Variants in CCNF observed in about 807,000 individuals in gnomAD.
CCNF encodes cyclin F.
In CCNF, 30 loss-of-function variants were observed where a neutral mutation model predicts 85.4. The observed-to-expected ratio is 0.35, with a 90% confidence interval of 0.26 to 0.48. The LOEUF (loss-of-function observed/expected upper bound fraction) is 0.48. Ranked by LOEUF, CCNF falls within the 20% of genes least tolerant of loss-of-function variation. The probability of loss-of-function intolerance (pLI) is 0.99; values close to 1 mark genes in which losing one functional copy is unlikely to be tolerated. For synonymous variants in CCNF, 439 were observed against 425.1 expected (o/e 1.03, Z -0.40); for missense variants, 919 against 1,010.4 (o/e 0.91, Z 1.23).
At chr16:2,449,556 T>C (rs2065382066) in intron 12 of CCNF, 94 bp downstream of exon 12, 1 of 1,268,716 alleles carries the variant, frequency 7.9e-7, no homozygotes, top group African/African-American at 1.5e-5. Flanking sequence ...CATCCATTTG[T>C]CCTGGTTACT....
rs1486320920 is a variant in CCNF, at chr16:2,439,738, C to T, written c.700-11C>T. 3.1e-6 allele frequency: 5 copies of T among 1,611,816 alleles called. No homozygotes were observed. In the East Asian group the frequency reaches 8.9e-5, roughly 29 times the overall value. On this transcript the variant is annotated splice_polypyrimidine_tract_variant and intron_variant, in intron 7 of 16. Transcript: ENST00000397066. Reference sequence around the variant, plus strand: ...CAGTTGTACAAAGGCTCGGTGATCTCCCATTGACAGGTGTCAGATCCTGGG... The same window carrying T: ...CAGTTGTACAAAGGCTCGGTGATCTTCCATTGACAGGTGTCAGATCCTGGG...
chr16:2,453,059 T>G lies in CCNF; in HGVS notation c.1488-151T>G, dbSNP rs976547801. The G allele has an allele frequency of 5.9e-5, 40 of 679,722 alleles. No individual in the cohort carries two copies. In the African/African-American group the frequency reaches 6.4e-4, roughly 11 times the overall value. The allele number at this position is 679,722 out of a possible 1,614,324, so 42.1% of individuals were successfully genotyped here. On this transcript the variant is annotated intron_variant, in intron 13 of 16. Coordinates refer to ENST00000397066, the MANE Select transcript of CCNF (RefSeq NM_001761.3). The surrounding 1 kb of genome is among the most constrained non-coding windows in gnomAD (Gnocchi z 5.6). ...CCTAGAGAGGAATTGCTAGGTCCTG[T>G]GGTGACTGAGTTTAACCATTCGGGG...
At chr16:2,441,026 G>C (rs1042543201) in intron 8 of CCNF, among the ~76,000 whole-genome samples, 1 of 152,096 alleles carries the variant, frequency 6.6e-6, no homozygotes, top group African/African-American at 2.4e-5. Flanking sequence ...GAGGTCAAGA[G>C]GTCGAGACCA....
At chr16:2,441,776 C>T (rs2065322190) in intron 8 of CCNF, among the ~76,000 whole-genome samples, 1 of 148,876 alleles carries the variant, frequency 6.7e-6, no homozygotes, top group African/African-American at 2.5e-5. Context: ...CTCGGCCTCC[C>T]AAAGTGTTGG....
Position 2,452,980 on chromosome 16 carries a change from AT to A in CCNF, c.1488-228del. 1.7e-6 allele frequency: 1 copy of A among 581,660 alleles called. No individual in the cohort carries two copies. Among genetic ancestry groups the A allele is most frequent in the Non-Finnish European group, 3.1e-6 (1 of 325,192 alleles). 36.0% of individuals were successfully genotyped at this position (581,660 alleles called of 1,614,324 possible). On this transcript the variant is annotated intron_variant, in intron 13 of 16. Coordinates refer to ENST00000397066, the MANE Select transcript of CCNF (RefSeq NM_001761.3). This position sits in a 1 kb window ranked among gnomAD's most constrained non-coding sequence, Gnocchi z 4.1. ...TATTGTGAACAGTCCTGCCATGAAC[AT>A]TCTAGTACAGGTTTCTGTGTGGACA...
chr16:2,449,468 G>A lies in CCNF; in HGVS notation c.1399+6G>A. ...CAGACTGACGCACGGGCAGAGTAAG[G>A]AGTGGCCCTTCCCAGGGATGCCTGT... On this transcript the variant is annotated splice_donor_region_variant and intron_variant, in intron 12 of 16. Transcript: ENST00000397066. 1.3e-6 allele frequency: 2 copies of A among 1,598,078 alleles called. No individual in the cohort carries two copies. The highest frequency in any genetic ancestry group is 1.7e-6 in the Non-Finnish European group (2 of 1,176,120).
chr16:2,440,579 A>G (rs2065315866), intron 8 of CCNF, among the ~76,000 whole-genome samples: 1 of 152,058 alleles, frequency 6.6e-6, no homozygotes, highest in African/African-American at 2.4e-5. Context: ...TGGGCGACAG[A>G]GCAAGACTCT....
chr16:2,457,117 C>A lies in CCNF; in HGVS notation c.*97C>A. On this transcript the variant is annotated 3_prime_UTR_variant, in exon 17 of 17. Transcript: ENST00000397066. Reference sequence around the variant, plus strand: ...GGAACGCTGCATAGACCATGGAGGCCTTTGCGCAGAGAGCAGAGAGGATGA... The same window carrying A: ...GGAACGCTGCATAGACCATGGAGGCATTTGCGCAGAGAGCAGAGAGGATGA... 1.1e-6 allele frequency: 1 copy of A among 903,058 alleles called. No homozygotes were observed. Among genetic ancestry groups the A allele is most frequent in the South Asian group, 1.8e-5 (1 of 55,280 alleles). The allele number at this position is 903,058 out of a possible 1,614,324, so 55.9% of individuals were successfully genotyped here. A position where few individuals can be genotyped will look rare whatever the true frequency, so the allele number is the denominator to read the frequency against.
At chr16:2,450,963 G>A (rs1433736803) in intron 13 of CCNF, among the ~76,000 whole-genome samples, 1 of 152,208 alleles carries the variant, frequency 6.6e-6, no homozygotes, top group East Asian at 1.9e-4. Context: ...GCGCCGTCGT[G>A]CCCGGATGTG....
At chr16:2,449,205 T>C (rs2065378942) in intron 11 of CCNF, 77 bp from the exon 12 acceptor site, 7 of 1,543,184 alleles carry the variant, frequency 4.5e-6, no homozygotes, top group Non-Finnish European at 4.5e-6. Context: ...GGCCAGACCC[T>C]GCGCTGGGCC....
At chr16:2,447,172 T>A (rs1220939675) in intron 10 of CCNF, among the ~76,000 whole-genome samples, 3 of 152,102 alleles carry the variant, frequency 2.0e-5, no homozygotes, top group Non-Finnish European at 4.4e-5. Context: ...GCTAAAAACG[T>A]TTCAGGGAGC....
chr16:2,453,414 T>G lies in CCNF; in HGVS notation c.1592T>G (p.Leu531Arg), dbSNP rs372723774. The change falls in exon 15 of 17, where the codon CTG becomes CGG. Residue 531 changes from leucine to arginine, a missense_variant. By Grantham distance (102) the Leu-to-Arg change is moderately radical. Coordinates refer to ENST00000397066, the MANE Select transcript of CCNF (RefSeq NM_001761.3). The surrounding 1 kb of genome is among the most constrained non-coding windows in gnomAD (Gnocchi z 5.6). The stretch of plus-strand genomic sequence containing the variant: ...CTAACTCTAGCTTCCCCTCAGGTGC[T>G]GAGCTACAGCCAGTTGTGTGCTGCA... ...RYGEISQEEVLSYSQLCAALG... is the reference protein window; with the variant it reads ...RYGEISQEEVRSYSQLCAALG... 165 of 1,613,972 alleles carry G rather than the reference T, an allele frequency of 1.0e-4. No individual in the cohort carries two copies. In the East Asian group the frequency reaches 2.8e-3, roughly 27 times the overall value.
chr16:2,458,485 A>T lies in CCNF; in HGVS notation c.*1465A>T, dbSNP rs2065444158. ...GGCTAGTCTCGAACTCATGACCTCA[A>T]GTGATCCGCCCACTTCGGTCTCCCA... On this transcript the variant is annotated 3_prime_UTR_variant, in exon 17 of 17. Transcript: ENST00000397066. 6.6e-6 allele frequency: 1 copy of T among 152,122 alleles called. No homozygotes were observed. The highest frequency in any genetic ancestry group is 1.5e-5 in the Non-Finnish European group (1 of 68,034). 9.4% of individuals were successfully genotyped at this position (152,122 alleles called of 1,614,324 possible).
At chr16:2,455,057 CAA>C (rs113432361) in intron 15 of CCNF, among the ~76,000 whole-genome samples, 24 of 47,242 alleles carry the variant, frequency 5.1e-4, no homozygotes, top group African/African-American at 1.4e-3. Context: ...AAGAACACCT[CAA>C]AAAAAAAAAA....
intron 10 of CCNF, among the ~76,000 whole-genome samples, chr16:2,447,615 GTA>G (rs2065369091): frequency 3.3e-5 from 5 of 152,050 alleles, no homozygotes; most frequent in Non-Finnish European, 7.4e-5. Context: ...GCCAGACGTG[GTA>G]GTGGGCGCCT....
intron 10 of CCNF, among the ~76,000 whole-genome samples, chr16:2,448,258 T>C (rs1222193167): frequency 6.6e-6 from 1 of 152,226 alleles, no homozygotes; most frequent in Non-Finnish European, 1.5e-5. Flanking sequence ...CAAATCTCTG[T>C]CCTTGGTGTC....
In CCNF at chr16:2,453,005, C is replaced by T; in HGVS notation, c.1488-205C>T. 3 of 599,560 alleles carry T rather than the reference C, an allele frequency of 5.0e-6. No homozygotes were observed. The South Asian group carries it at 6.0e-5, about 12-fold the overall frequency. The allele number at this position is 599,560 out of a possible 1,614,324, so 37.1% of individuals were successfully genotyped here. A position where few individuals can be genotyped will look rare whatever the true frequency, so the allele number is the denominator to read the frequency against. On this transcript the variant is annotated intron_variant, in intron 13 of 16. Coordinates refer to ENST00000397066, the MANE Select transcript of CCNF (RefSeq NM_001761.3). The surrounding 1 kb of genome is among the most constrained non-coding windows in gnomAD (Gnocchi z 5.6). Reference sequence around the variant, plus strand: ...ATTCTAGTACAGGTTTCTGTGTGGACATAGTTTTTCCTTTTTCCTGGGTCT... The same window carrying T: ...ATTCTAGTACAGGTTTCTGTGTGGATATAGTTTTTCCTTTTTCCTGGGTCT...
At chr16:2,436,912 G>T in intron 4 of CCNF, 1 of 387,156 alleles carries the variant, frequency 2.6e-6, no homozygotes. Context: ...ACCACAGCAG[G>T]GGCATTGATC....
intron 2 of CCNF, among the ~76,000 whole-genome samples, chr16:2,432,423 T>C (rs1188453410): frequency 2.0e-5 from 3 of 152,154 alleles, no homozygotes; most frequent in Admixed American, 6.5e-5. Flanking sequence ...GAATTTCCAA[T>C]GGCAGTGGAA....
Sources: gnomAD v4.1 joint callset for allele counts (sites outside exome capture counted in the v4.1 genomes callset) on GRCh38, gnomAD v4.1.1 for gene constraint, Gnocchi (gnomAD v3.1) non-coding constraint, MANE v1.5 for transcripts, NCBI Gene and HGNC (gene_info 2026-07-23, HGNC 2026-07-21) for gene names.